MCMDC2: variants seen among roughly 807,000 people sequenced by gnomAD.
MCMDC2 encodes the protein minichromosome maintenance domain containing 2.
Under a neutral mutation model 75.8 loss-of-function variants are expected in MCMDC2, and 54 were observed. That is an observed-to-expected ratio of 0.71 (90% CI 0.57 to 0.89). MCMDC2 has a LOEUF of 0.89. Among genes scored for constraint, MCMDC2 ranks in the 40% least tolerant of loss-of-function variants. MCMDC2 has a pLI of 0.00. For synonymous variants in MCMDC2, 249 were observed against 274.6 expected, an observed-to-expected ratio of 0.91 and a Z score of 0.92; for missense variants, 656 against 780.4, an observed-to-expected ratio of 0.84 and a Z score of 1.90.
chr8:66,905,635 T>A (rs1219984982), intron 14 of MCMDC2, among the ~76,000 whole-genome samples: 2 of 152,180 alleles, frequency 1.3e-5, no homozygotes, highest in Non-Finnish European at 2.9e-5. Context: ...TTTTAATTTA[T>A]CTTCCTTTTA....
At chr8:66,923,392 AT>A (rs1440607415), downstream of MCMDC2, among the ~76,000 whole-genome samples, 3 of 152,184 alleles carry the variant, frequency 2.0e-5, no homozygotes, top group Non-Finnish European at 4.4e-5. Context: ...ATACGAAATG[AT>A]TTATGAAGAC....
At chr8:66,892,956 T>A (rs567863006) in intron 10 of MCMDC2, among the ~76,000 whole-genome samples, 124 of 152,348 alleles carry the variant, frequency 8.1e-4, no homozygotes, top group Middle Eastern at 6.8e-3. Context: ...CATTGTTGGA[T>A]TTGATATGCT....
chr8:66,898,780 A>G (rs1488727013), intron 12 of MCMDC2, among the ~76,000 whole-genome samples: 1 of 152,216 alleles, frequency 6.6e-6, no homozygotes, highest in Admixed American at 6.5e-5. Context: ...GCTGGACATT[A>G]GTTGGGCTGT....
In MCMDC2 at chr8:66,920,726, T is replaced by A. The variant is rs903830521; in HGVS notation, c.*1557T>A. The A allele has an allele frequency of 1.3e-5, 2 of 152,108 alleles. No individual in the cohort carries two copies. The highest frequency in any genetic ancestry group is 4.8e-5 in the African/African-American group (2 of 41,404). The allele number at this position is 152,108 out of a possible 1,614,324, so 9.4% of individuals were successfully genotyped here. A position where few individuals can be genotyped will look rare whatever the true frequency, so the allele number is the denominator to read the frequency against. On this transcript the variant is annotated 3_prime_UTR_variant, in exon 15 of 15. Transcript: ENST00000422365. ...TTTGGAGACAGGGGCTGTCACCGTTTGGAGGGTTGTGGCGCCACCTCAGCT... is the reference window on the plus strand; with the variant it reads ...TTTGGAGACAGGGGCTGTCACCGTTAGGAGGGTTGTGGCGCCACCTCAGCT...
chr8:66,891,030 G>T lies in MCMDC2; in HGVS notation c.1239G>T (p.Leu413Phe). 1 of 1,590,538 alleles carries T rather than the reference G, an allele frequency of 6.3e-7. No individual in the cohort carries two copies. Among genetic ancestry groups the T allele is most frequent in the Non-Finnish European group, 8.5e-7 (1 of 1,174,700 alleles). The change falls in exon 10 of 15, where the codon TTG becomes TTT. Residue 413 changes from leucine (L) to phenylalanine (F), a missense_variant. Physicochemically the swap from Leu to Phe is conservative, Grantham distance 22. Transcript: ENST00000422365. ...AKGGICFIGD[L>F]ASHKKDKLEQ... is the part of the protein sequence containing the mutation. ...GTGGTATCTGCTTTATAGGAGACTT[G>T]GCTTCACACAAAAAAGATAAACTTG...
chr8:66,912,319 G>A (rs138484200), intron 14 of MCMDC2, among the ~76,000 whole-genome samples: 57 of 152,298 alleles, frequency 3.7e-4, no homozygotes, highest in African/African-American at 1.3e-3. Context: ...AAACATGAAC[G>A]GATGAGAAGT....
chr8:66,871,185 G>T (rs886819305), intron 1 of MCMDC2, among the ~76,000 whole-genome samples: 1 of 152,028 alleles, frequency 6.6e-6, no homozygotes, highest in Non-Finnish European at 1.5e-5. Flanking sequence ...TCCGCTTTAC[G>T]CAGTGACACC....
At chr8:66,894,111 A>T (rs1812234827) in intron 10 of MCMDC2, among the ~76,000 whole-genome samples, 1 of 152,084 alleles carries the variant, frequency 6.6e-6, no homozygotes, top group East Asian at 1.9e-4. Flanking sequence ...TTCATAACAC[A>T]CTTAATTTGT....
At chr8:66,918,941 A>G (rs1486324744) in intron 14 of MCMDC2, 62 bp from the exon 15 acceptor site, 1 of 1,281,730 alleles carries the variant, frequency 7.8e-7, no homozygotes, top group African/African-American at 1.5e-5. Flanking sequence ...TGAAAATGTG[A>G]TTTCATACTT....
intron 14 of MCMDC2, 54 bp downstream of exon 14, chr8:66,905,389 A>G: frequency 7.7e-7 from 1 of 1,297,438 alleles, no homozygotes; most frequent in Non-Finnish European, 1.0e-6. Flanking sequence ...TTAACCTTAA[A>G]TATTCTTAGT....
rs750599170 is a variant in MCMDC2 at position 66,896,322 on chromosome 8, C to G, written c.1432C>G (p.Leu478Val). Residue 478 changes from leucine (L) to valine (V), a missense_variant, in exon 11 of 15, where the codon CTA (leucine) becomes GTA (valine). Transcript: ENST00000422365. ...SRRNAQKINTLIGQMDCSLIP... is the reference protein window; with the variant it reads ...SRRNAQKINTVIGQMDCSLIP... ...GAGAAATGCACAGAAAATCAACACT[C>G]TAATTGGTCAGATGGTAAGGTATAT... 5 of 1,606,412 alleles carry G rather than the reference C, an allele frequency of 3.1e-6. No individual in the cohort carries two copies. Among genetic ancestry groups the G allele is most frequent in the African/African-American group, 1.3e-5 (1 of 74,580 alleles).
chr8:66,910,041 C>G (rs1427020463), intron 14 of MCMDC2, among the ~76,000 whole-genome samples: 1 of 152,238 alleles, frequency 6.6e-6, no homozygotes, highest in Non-Finnish European at 1.5e-5. Flanking sequence ...GGGTACAAGC[C>G]CCAAACCTTG....
At chr8:66,875,113 A>C (rs1811216572) in intron 4 of MCMDC2, among the ~76,000 whole-genome samples, 1 of 152,146 alleles carries the variant, frequency 6.6e-6, no homozygotes, top group African/African-American at 2.4e-5. Context: ...AGGGAATAAT[A>C]CAGTGAACCT....
At chr8:66,884,509 C>A (rs1454290894) in intron 9 of MCMDC2, 1 of 152,066 alleles carries the variant, frequency 6.6e-6, no homozygotes. Flanking sequence ...CTTAAATATT[C>A]ACAAAGTTAG....
rs1202404836 is a variant in MCMDC2, at chr8:66,919,322, A to G, written c.*153A>G. The G allele has an allele frequency of 3.2e-5, 17 of 532,094 alleles. No individual in the cohort carries two copies. The allele number at this position is 532,094 out of a possible 1,614,324, so 33.0% of individuals were successfully genotyped here. On this transcript the variant is annotated 3_prime_UTR_variant, in exon 15 of 15. Coordinates refer to ENST00000422365, the MANE Select transcript of MCMDC2 (RefSeq NM_173518.5). Reference sequence around the variant, plus strand: ...AAAATATAAAATATAGTCCCCTCAAAACTAATTGCTAATGGGATAAATACT... The same window carrying G: ...AAAATATAAAATATAGTCCCCTCAAGACTAATTGCTAATGGGATAAATACT...
At chr8:66,891,667 G>T in intron 10 of MCMDC2, among the ~76,000 whole-genome samples, 1 of 152,136 alleles carries the variant, frequency 6.6e-6, no homozygotes, top group East Asian at 1.9e-4. Context: ...TGCCTGCTGG[G>T]CTTGTTCTGC....
At chr8:66,889,845 A>G (rs1021484206) in intron 9 of MCMDC2, among the ~76,000 whole-genome samples, 9 of 152,168 alleles carry the variant, frequency 5.9e-5, no homozygotes, top group Admixed American at 5.9e-4. Flanking sequence ...AGAGACTCAA[A>G]CAGAACAAAA....
intron 5 of MCMDC2, among the ~76,000 whole-genome samples, chr8:66,878,055 C>T (rs538890907): frequency 2.0e-5 from 3 of 152,068 alleles, no homozygotes; most frequent in African/African-American, 7.2e-5. Flanking sequence ...TTAACAAGTG[C>T]ACCTATATTG....
At chr8:66,880,665 A>T (rs1013654706) in intron 7 of MCMDC2, among the ~76,000 whole-genome samples, 184 bp from the exon 8 acceptor site, 2 of 152,218 alleles carry the variant, frequency 1.3e-5, no homozygotes, top group Non-Finnish European at 2.9e-5. Context: ...AAAATTTATC[A>T]GCAATAAAAT....
Sources: allele counts gnomAD v4.1 joint callset (sites outside exome capture counted in the v4.1 genomes callset), GRCh38; gene constraint gnomAD v4.1.1; transcripts MANE v1.5; gene names NCBI Gene and HGNC (gene_info 2026-07-23, HGNC 2026-07-21).